STON2: variants seen among roughly 807,000 people sequenced by gnomAD.
STON2 encodes the protein stonin 2.
A neutral mutation model predicts 65.7 loss-of-function variants in STON2; 29 were observed. That is an observed-to-expected ratio of 0.44 (90% CI 0.33 to 0.60). The LOEUF is 0.60. Ranked by LOEUF, STON2 falls within the 20% of genes least tolerant of loss-of-function variation. The pLI, the probability that STON2 is intolerant of heterozygous loss-of-function variation, is 0.03. For missense variants in STON2, 1,054 were observed against 1,118.1 expected (o/e 0.94, Z 0.82); for synonymous variants, 404 against 414.2 (o/e 0.98, Z 0.30).
chr14:81,294,225 C>T (rs938801919), intron 5 of STON2, among the ~76,000 whole-genome samples: 3 of 152,190 alleles, frequency 2.0e-5, no homozygotes, highest in Non-Finnish European at 4.4e-5. Flanking sequence ...CTCCCTGATT[C>T]TTTCCACAAG....
intron 4 of STON2, among the ~76,000 whole-genome samples, chr14:81,347,250 C>T (rs1303331802): frequency 6.6e-6 from 1 of 151,710 alleles, no homozygotes; most frequent in African/African-American, 2.4e-5. Flanking sequence ...ACATTAAAAC[C>T]AAAAATACAC....
In STON2 at chr14:81,277,715, G is replaced by A; in HGVS notation, c.1767C>T (p.Thr589=). 13 of 1,614,170 alleles carry A rather than the reference G, an allele frequency of 8.1e-6. No homozygotes were observed. The highest frequency in any genetic ancestry group is 1.1e-5 in the Non-Finnish European group (13 of 1,180,036). Residue 589 remains threonine (T), a synonymous_variant, in exon 6 of 8, where the codon ACC becomes ACT. Coordinates refer to ENST00000614646, the MANE Select transcript of STON2 (RefSeq NM_001394390.1). ...AACTCAGGAAGTCATCGTAATTGGT[G>A]GTGCCCAGCTTAATCACCTGTTCCC... ...AEREQVIKLG[T]TNYDDFLSFI... is the part of the protein sequence containing the mutation.
chr14:81,289,262 T>C (rs1386074788), intron 5 of STON2, among the ~76,000 whole-genome samples: 1 of 152,168 alleles, frequency 6.6e-6, no homozygotes, highest in East Asian at 1.9e-4. Context: ...CACATCACCC[T>C]TGGGTGAGCA....
At chr14:81,333,966 A>G (rs1224838134) in intron 4 of STON2, among the ~76,000 whole-genome samples, 1 of 152,236 alleles carries the variant, frequency 6.6e-6, no homozygotes, top group African/African-American at 2.4e-5. Flanking sequence ...AGGTGGTTAA[A>G]TACATACCTT....
chr14:81,401,513 A>G (rs1237370597), upstream of STON2, among the ~76,000 whole-genome samples: 2 of 152,194 alleles, frequency 1.3e-5, no homozygotes, highest in Non-Finnish European at 2.9e-5. Context: ...CAGACCTTGA[A>G]AAGTGCTGTG....
intron 5 of STON2, among the ~76,000 whole-genome samples, chr14:81,287,870 C>T (rs866284755): frequency 1.3e-5 from 2 of 152,134 alleles, no homozygotes; most frequent in Non-Finnish European, 2.9e-5. Context: ...CCTCAATGTG[C>T]CTTTCTGATA....
chr14:81,261,573 G>T lies in STON2; in HGVS notation c.*6841C>A, dbSNP rs1301748182. The T allele has an allele frequency of 2.4e-5, 10 of 423,824 alleles. No homozygotes were observed. In the Admixed American group the frequency reaches 3.9e-4, roughly 16 times the overall value. The allele number at this position is 423,824 out of a possible 1,614,324, so 26.3% of individuals were successfully genotyped here. A position where few individuals can be genotyped will look rare whatever the true frequency, so the allele number is the denominator to read the frequency against. On this transcript the variant is annotated 3_prime_UTR_variant, in exon 8 of 8. Coordinates refer to ENST00000614646, the MANE Select transcript of STON2 (RefSeq NM_001394390.1). Reference sequence around the variant, plus strand: ...GGGGACTGTCCCTTTTCTCTCATCTGGTTTTGCCATAACTTACAAATAGTC... The same window carrying T: ...GGGGACTGTCCCTTTTCTCTCATCTTGTTTTGCCATAACTTACAAATAGTC...
chr14:81,324,731 CA>C (rs1896946091), intron 4 of STON2, among the ~76,000 whole-genome samples: 1 of 152,174 alleles, frequency 6.6e-6, no homozygotes, highest in Admixed American at 6.5e-5. Flanking sequence ...ATCTAGAAAT[CA>C]AGATTTTAGA....
chr14:81,296,177 G>A (rs1175986573), intron 5 of STON2, among the ~76,000 whole-genome samples: 1 of 152,156 alleles, frequency 6.6e-6, no homozygotes, highest in African/African-American at 2.4e-5. Flanking sequence ...AAACAGTTTG[G>A]AGGGCAGGAC....
At chr14:81,324,923 T>A (rs1896954367) in intron 4 of STON2, among the ~76,000 whole-genome samples, 1 of 152,108 alleles carries the variant, frequency 6.6e-6, no homozygotes, top group Non-Finnish European at 1.5e-5. Flanking sequence ...ACGGAACAGG[T>A]ACTTGCCTCA....
chr14:81,382,134 G>A (rs1459968439), intron 3 of STON2, among the ~76,000 whole-genome samples: 1 of 151,990 alleles, frequency 6.6e-6, no homozygotes, highest in Non-Finnish European at 1.5e-5. Flanking sequence ...CAGGAGAATC[G>A]CTTGAATCCG....
upstream of STON2, among the ~76,000 whole-genome samples, chr14:81,400,519 C>T (rs543460269): frequency 6.8e-6 from 1 of 147,272 alleles, no homozygotes; most frequent in East Asian, 2.0e-4. Flanking sequence ...AGTCCCTATG[C>T]TGACACATGC....
chr14:81,314,082 C>T (rs577435348), intron 5 of STON2, among the ~76,000 whole-genome samples: 1 of 152,330 alleles, frequency 6.6e-6, no homozygotes, highest in East Asian at 1.9e-4. Context: ...AAAGCCTGTG[C>T]TACTTTTAAA....
At chr14:81,360,798 A>G (rs1282872720) in intron 4 of STON2, among the ~76,000 whole-genome samples, 1 of 152,174 alleles carries the variant, frequency 6.6e-6, no homozygotes, top group Non-Finnish European at 1.5e-5. Flanking sequence ...ATAAACTGTT[A>G]TAACTAATAA....
chr14:81,333,302 C>T, intron 4 of STON2: 2 of 660,616 alleles, frequency 3.0e-6, no homozygotes, highest in South Asian at 3.0e-5. Flanking sequence ...CCATTTGTTT[C>T]CTCTGAAGTC....
At chr14:81,417,757 A>G (rs545650715) in intron 2 of STON2, among the ~76,000 whole-genome samples, 92 of 152,318 alleles carry the variant, frequency 6.0e-4, no homozygotes, top group Middle Eastern at 3.4e-3. Flanking sequence ...TGAATAGGTT[A>G]TCAACAGGGG....
At chr14:81,403,484 G>A (rs552354669), upstream of STON2, among the ~76,000 whole-genome samples, 8 of 152,170 alleles carry the variant, frequency 5.3e-5, no homozygotes, top group African/African-American at 1.2e-4. Context: ...CTTTGTCAAC[G>A]GCTGCTAGAA....
intron 4 of STON2, among the ~76,000 whole-genome samples, chr14:81,364,831 C>G (rs1321074775): frequency 2.6e-5 from 4 of 152,122 alleles, no homozygotes; most frequent in Admixed American, 6.5e-5. Context: ...AAGTGGGATA[C>G]AAACATCAGG....
intron 5 of STON2, among the ~76,000 whole-genome samples, chr14:81,307,462 A>C (rs1177628091): frequency 6.6e-6 from 1 of 152,204 alleles, no homozygotes; most frequent in Non-Finnish European, 1.5e-5. Flanking sequence ...AGTATGTAAG[A>C]GCCTGGGCTT....
Sources: allele counts gnomAD v4.1 joint callset (sites outside exome capture counted in the v4.1 genomes callset), GRCh38; gene constraint gnomAD v4.1.1; transcripts MANE v1.5; gene names NCBI Gene and HGNC (gene_info 2026-07-23, HGNC 2026-07-21).